The following OR6N1 variants were observed in gnomAD, a reference collection of about 807,000 sequenced individuals.
OR6N1 encodes olfactory receptor 6N1.
For missense variants in OR6N1, 394 were observed against 371.7 expected (o/e 1.06, Z -0.49); for synonymous variants, 170 against 150.7 (o/e 1.13, Z -0.94).
chr1:158,827,933 G>A, the OR6N1 span, among the ~76,000 whole-genome samples: 2 of 152,166 alleles, frequency 1.3e-5, no homozygotes, highest in African/African-American at 2.4e-5. Context: ...CAGAAGGTAA[G>A]GAAGCGCAAG....
At chr1:158,811,734 T>C in the OR6N1 span, among the ~76,000 whole-genome samples, 1 of 152,162 alleles carries the variant, frequency 6.6e-6, no homozygotes, top group Admixed American at 6.5e-5. Flanking sequence ...AAATTGGATA[T>C]CAGAACATTC....
chr1:158,801,867 ACCCCTG>A, the OR6N1 span, among the ~76,000 whole-genome samples: 1 of 151,846 alleles, frequency 6.6e-6, no homozygotes, highest in South Asian at 2.1e-4. Flanking sequence ...TTTCTGTACC[ACCCCTG>A]CCCATTACCT....
At chr1:158,838,693 TCAC>T in the OR6N1 span, among the ~76,000 whole-genome samples, 1 of 152,148 alleles carries the variant, frequency 6.6e-6, no homozygotes, top group Non-Finnish European at 1.5e-5. Flanking sequence ...CTCTTTTCCA[TCAC>T]CTTTTCAGAC....
chr1:158,817,978 T>G, the OR6N1 span, among the ~76,000 whole-genome samples: 1 of 152,194 alleles, frequency 6.6e-6, no homozygotes, highest in African/African-American at 2.4e-5. Flanking sequence ...TCCAGGTGTC[T>G]CAGGTCAGTG....
the OR6N1 span, among the ~76,000 whole-genome samples, chr1:158,789,597 C>CT: frequency 1.3e-5 from 2 of 152,092 alleles, no homozygotes; most frequent in African/African-American, 4.8e-5. Context: ...TGAGGTTGAG[C>CT]TTTTTATTTC....
At chr1:158,789,953 T>G in the OR6N1 span, among the ~76,000 whole-genome samples, 1 of 152,240 alleles carries the variant, frequency 6.6e-6, no homozygotes, top group Non-Finnish European at 1.5e-5. Flanking sequence ...TTTCTTCTGA[T>G]AGTTTTGTCA....
At chr1:158,835,512 G>C in the OR6N1 span, among the ~76,000 whole-genome samples, 2 of 151,066 alleles carry the variant, frequency 1.3e-5, no homozygotes, top group Non-Finnish European at 2.9e-5. Context: ...GAATCTTTGG[G>C]ACTTTCCACA....
the OR6N1 span, chr1:158,777,340 A>C: frequency 3.7e-6 from 6 of 1,614,132 alleles, no homozygotes; most frequent in Non-Finnish European, 5.1e-6. Context: ...GTAGGTCTGA[A>C]GGAGGCATCC....
At chr1:158,816,857 C>G in the OR6N1 span, among the ~76,000 whole-genome samples, 8 of 152,330 alleles carry the variant, frequency 5.3e-5, no homozygotes, top group East Asian at 1.5e-3. Flanking sequence ...ATCATAGGAT[C>G]AAAACTCCCT....
At chr1:158,769,352 T>C (rs1657355584) in intron 1 of OR6N1, among the ~76,000 whole-genome samples, 1 of 151,908 alleles carries the variant, frequency 6.6e-6, no homozygotes, top group South Asian at 2.1e-4. Flanking sequence ...TTGGTAGAGA[T>C]GGGGTTTAGC....
the OR6N1 span, among the ~76,000 whole-genome samples, chr1:158,802,199 CTTTTTTTTT>C: frequency 1.9e-5 from 2 of 105,198 alleles, no homozygotes; most frequent in Admixed American, 1.1e-4. Context: ...CCTCATAGCA[CTTTTTTTTT>C]TTTTTTTTTT....
At chr1:158,835,086 G>A in the OR6N1 span, among the ~76,000 whole-genome samples, 2 of 152,096 alleles carry the variant, frequency 1.3e-5, no homozygotes, top group African/African-American at 2.4e-5. Flanking sequence ...ATTAAAAAAG[G>A]CTATTTAAAG....
At chr1:158,770,188 T>A (rs1657389449) in intron 1 of OR6N1, among the ~76,000 whole-genome samples, 1 of 152,222 alleles carries the variant, frequency 6.6e-6, no homozygotes, top group Non-Finnish European at 1.5e-5. Flanking sequence ...TTTTGTCGTC[T>A]CCTTTCTCAG....
the OR6N1 span, among the ~76,000 whole-genome samples, chr1:158,817,240 A>G: frequency 6.6e-6 from 1 of 152,150 alleles, no homozygotes; most frequent in African/African-American, 2.4e-5. Flanking sequence ...TCAAGACTCA[A>G]CTCCGTGACC....
chr1:158,816,006 A>C, the OR6N1 span, among the ~76,000 whole-genome samples: 1 of 152,052 alleles, frequency 6.6e-6, no homozygotes, highest in Non-Finnish European at 1.5e-5. Context: ...ATACAAAAAA[A>C]AATTAGCTGG....
chr1:158,773,428 A>G (rs1657472547), upstream of OR6N1, among the ~76,000 whole-genome samples: 1 of 152,140 alleles, frequency 6.6e-6, no homozygotes, highest in Non-Finnish European at 1.5e-5. Context: ...GTTTCATTTC[A>G]ATTACTTCTT....
chr1:158,820,747 G>T, the OR6N1 span, among the ~76,000 whole-genome samples: 1 of 152,152 alleles, frequency 6.6e-6, no homozygotes, highest in Non-Finnish European at 1.5e-5. Flanking sequence ...AGTGGACAAA[G>T]CCACTTCTGA....
chr1:158,799,116 C>T, the OR6N1 span, among the ~76,000 whole-genome samples: 1 of 152,196 alleles, frequency 6.6e-6, no homozygotes, highest in Non-Finnish European at 1.5e-5. Context: ...AATAGACCTT[C>T]TCATTAAAAT....
the OR6N1 span, chr1:158,777,767 C>G: frequency 1.6e-6 from 1 of 611,028 alleles, no homozygotes; most frequent in South Asian, 2.1e-5. Flanking sequence ...GTTGCCCTCA[C>G]TACTATTACT....
Sources: allele counts gnomAD v4.1 joint callset (sites outside exome capture counted in the v4.1 genomes callset), GRCh38; gene constraint gnomAD v4.1.1; transcripts MANE v1.5; gene names NCBI Gene and HGNC (gene_info 2026-07-23, HGNC 2026-07-21).